The following IGFBP4 variants were observed in gnomAD, a reference collection of about 807,000 sequenced individuals.
The protein encoded by IGFBP4 is insulin like growth factor binding protein 4, also known as insulin-like growth factor-binding protein 4.
IGFBP4 carries 9 observed loss-of-function variants against 25.8 expected under a neutral mutation model. The observed-to-expected ratio is 0.35, with a 90% CI of 0.21 to 0.61. The LOEUF is 0.61. Ranked by LOEUF, IGFBP4 falls within the 20% of genes least tolerant of loss-of-function variation. The probability of loss-of-function intolerance (pLI) is 0.77; values close to 1 mark genes in which losing one functional copy is unlikely to be tolerated. For synonymous variants in IGFBP4, 153 were observed against 153.9 expected (o/e 0.99, Z 0.05); for missense variants, 315 against 365.3 (o/e 0.86, Z 1.12).
rs2035716998 is a variant in IGFBP4 at position 40,456,726 on chromosome 17, T to TGTGCGTGTGC, written c.*153_*162dup. 1 of 729,628 alleles carries TGTGCGTGTGC rather than the reference T, an allele frequency of 1.4e-6. No individual in the cohort carries two copies. Among genetic ancestry groups the TGTGCGTGTGC allele is most frequent in the African/African-American group, 1.8e-5 (1 of 56,124 alleles). The allele number at this position is 729,628 out of a possible 1,614,324, so 45.2% of individuals were successfully genotyped here. ...TTTCCCTCAAATGCGCGTGTGCACG[T>TGTGCGTGTGC]GTGCGTGTGCGTGCGTGTGTGTGTG... is the stretch of plus-strand genomic sequence containing the variant. On this transcript the variant is annotated 3_prime_UTR_variant, in exon 4 of 4. Transcript: ENST00000269593.
chr17:40,443,703 C>A lies in IGFBP4; in HGVS notation c.-33C>A. The A allele has an allele frequency of 1.6e-6, 2 of 1,272,608 alleles. No individual in the cohort carries two copies. Among genetic ancestry groups the A allele is most frequent in the Non-Finnish European group, 1.0e-6 (1 of 1,003,360 alleles). The allele number at this position is 1,272,608 out of a possible 1,614,324, so 78.8% of individuals were successfully genotyped here. A position where few individuals can be genotyped will look rare whatever the true frequency, so the allele number is the denominator to read the frequency against. On this transcript the variant is annotated 5_prime_UTR_variant, in exon 1 of 4. Coordinates refer to ENST00000269593, the MANE Select transcript of IGFBP4 (RefSeq NM_001552.3). ...GCCCGCGCTCCCCGCCTGCGCCCAG[C>A]GCCCCGCGCCCGCGCCCAGTCCTCG...
At chr17:40,445,370 CTCTG>C (rs2035638717) in intron 1 of IGFBP4, among the ~76,000 whole-genome samples, 1 of 152,204 alleles carries the variant, frequency 6.6e-6, no homozygotes, top group African/African-American at 2.4e-5. Context: ...TCTCCTGTGC[CTCTG>C]TCTGTCTCTG....
chr17:40,446,161 C>T (rs948673314), intron 1 of IGFBP4, among the ~76,000 whole-genome samples: 41 of 116,588 alleles, frequency 3.5e-4, no homozygotes, highest in Non-Finnish European at 5.3e-4. Context: ...GCCAGACCCC[C>T]GTCTCTACAA....
At position 40,452,907 on chromosome 17, in the gene IGFBP4, C is replaced by A; in HGVS notation, c.350-78C>A. On this transcript the variant is annotated intron_variant, in intron 1 of 3. Coordinates refer to ENST00000269593, the MANE Select transcript of IGFBP4 (RefSeq NM_001552.3). ...GCCGAAGAATCCCCAGGAAGGAGAA[C>A]GTGGGTGGGAGGCTGGGTTGGTGTG... The A allele has an allele frequency of 3.3e-6, 4 of 1,199,282 alleles. No homozygotes were observed. The South Asian group carries it at 6.3e-5, about 19-fold the overall frequency. 74.3% of individuals were successfully genotyped at this position (1,199,282 alleles called of 1,614,324 possible). A position where few individuals can be genotyped will look rare whatever the true frequency, so the allele number is the denominator to read the frequency against.
chr17:40,453,212 A>AGT lies in IGFBP4; in HGVS notation c.507+70_507+71insGT. The AGT allele has an allele frequency of 8.4e-7, 1 of 1,187,088 alleles. No homozygotes were observed. The highest frequency in any genetic ancestry group is 1.9e-5 in the South Asian group (1 of 53,416). 73.5% of individuals were successfully genotyped at this position (1,187,088 alleles called of 1,614,324 possible). On this transcript the variant is annotated intron_variant, in intron 2 of 3. Transcript: ENST00000269593. The surrounding 1 kb of genome is among the most constrained non-coding windows in gnomAD (Gnocchi z 4.0). The stretch of plus-strand genomic sequence containing the variant: ...CACACACATGCCCCCTGCCCCCCAC[A>AGT]TGCACGCACCCACACACACCATCAC...
chr17:40,444,126 C>T, intron 1 of IGFBP4, 42 bp downstream of exon 1: 1 of 1,437,980 alleles, frequency 7.0e-7, no homozygotes, highest in South Asian at 1.2e-5. Flanking sequence ...TGAGTGCGCT[C>T]CCTTCCCAGC....
rs554193402 is a variant in IGFBP4, at chr17:40,443,951, C to A, written c.216C>A (p.Pro72=). The A allele has an allele frequency of 1.1e-5, 17 of 1,531,732 alleles. No homozygotes were observed. Among genetic ancestry groups the A allele is most frequent in the African/African-American group, 6.9e-5 (5 of 72,538 alleles). 94.9% of individuals were successfully genotyped at this position (1,531,732 alleles called of 1,614,324 possible). ...GGATGCCCTGCGGGGTGTACACCCCCCGTTGCGGCTCGGGCCTGCGCTGCT... is the reference window on the plus strand; with the variant it reads ...GGATGCCCTGCGGGGTGTACACCCCACGTTGCGGCTCGGGCCTGCGCTGCT... The part of the protein sequence containing the change: ...GLGMPCGVYT[P]RCGSGLRCYP... Residue 72 remains proline (P), a synonymous_variant, in exon 1 of 4, where the codon CCC becomes CCA. Coordinates refer to ENST00000269593, the MANE Select transcript of IGFBP4 (RefSeq NM_001552.3).
At position 40,453,812 on chromosome 17, in the gene IGFBP4, C is replaced by T. The variant is rs1011561950; in HGVS notation, c.508-116C>T. The T allele has an allele frequency of 4.3e-6, 3 of 701,732 alleles. No homozygotes were observed. The highest frequency in any genetic ancestry group is 6.9e-6 in the Non-Finnish European group (3 of 437,506). The allele number at this position is 701,732 out of a possible 1,614,324, so 43.5% of individuals were successfully genotyped here. A position where few individuals can be genotyped will look rare whatever the true frequency, so the allele number is the denominator to read the frequency against. On this transcript the variant is annotated intron_variant, in intron 2 of 3. Transcript: ENST00000269593. The surrounding 1 kb of genome is among the most constrained non-coding windows in gnomAD (Gnocchi z 4.0). ...CTTCACCTCACTGGGTCCTGCCCAG[C>T]CCCTGGGGCTCAGGCCTCCTTTCGG... is the stretch of plus-strand genomic sequence containing the variant.
Position 40,443,992 on chromosome 17 carries a change from T to C in IGFBP4, c.257T>C (p.Val86Ala), listed in dbSNP as rs868039406. ...CTGCGCTGCTACCCGCCCCGAGGGG[T>C]GGAGAAGCCCCTGCACACACTGATG... ...SGLRCYPPRGVEKPLHTLMHG... is the reference protein window; with the variant it reads ...SGLRCYPPRGAEKPLHTLMHG... Residue 86 changes from valine to alanine, a missense_variant, in exon 1 of 4, where the codon GTG becomes GCG. Coordinates refer to ENST00000269593, the MANE Select transcript of IGFBP4 (RefSeq NM_001552.3). The C allele has an allele frequency of 6.5e-7, 1 of 1,527,490 alleles. No individual in the cohort carries two copies. The allele number at this position is 1,527,490 out of a possible 1,614,324, so 94.6% of individuals were successfully genotyped here.
At chr17:40,444,916 CACACACACACAGAGACAGAGAG>C (rs1219230594) in intron 1 of IGFBP4, among the ~76,000 whole-genome samples, 115 of 84,816 alleles carry the variant, frequency 1.4e-3, no homozygotes, top group Middle Eastern at 4.9e-3. Flanking sequence ...CACACACACA[CACACACACACAGAGACAGAGAG>C]AGAGAGAGAG....
At position 40,452,999 on chromosome 17, in the gene IGFBP4, G is replaced by T; in HGVS notation, c.364G>T (p.Asp122Tyr). ...SLQPSDKDEG[D>Y]HPNNSFSPCS... is the part of the protein sequence containing the mutation. ...CCTGAATACAGACAAGGACGAGGGT[G>T]ACCACCCCAACAACAGCTTCAGCCC... The change falls in exon 2 of 4, where the codon GAC (aspartate) becomes TAC (tyrosine). Residue 122 changes from aspartate (D) to tyrosine (Y), a missense_variant. Transcript: ENST00000269593. The T allele has an allele frequency of 6.4e-7, 1 of 1,555,768 alleles. No homozygotes were observed. Among genetic ancestry groups the T allele is most frequent in the Non-Finnish European group, 8.7e-7 (1 of 1,146,980 alleles).
Position 40,456,687 on chromosome 17 carries a change from C to T in IGFBP4, c.*104C>T. Reference sequence around the variant, plus strand: ...GTCTGAGTCTGAGTCCTGTCTCTGCCTGCGGCCCAGAAGTTTCCCTCAAAT... The same window carrying T: ...GTCTGAGTCTGAGTCCTGTCTCTGCTTGCGGCCCAGAAGTTTCCCTCAAAT... On this transcript the variant is annotated 3_prime_UTR_variant, in exon 4 of 4. Coordinates refer to ENST00000269593, the MANE Select transcript of IGFBP4 (RefSeq NM_001552.3). 2 of 1,217,348 alleles carry T rather than the reference C, an allele frequency of 1.6e-6. No individual in the cohort carries two copies. Among genetic ancestry groups the T allele is most frequent in the South Asian group, 2.8e-5 (2 of 72,028 alleles). The allele number at this position is 1,217,348 out of a possible 1,614,324, so 75.4% of individuals were successfully genotyped here.
chr17:40,452,383 ACACT>A (rs769347882), intron 1 of IGFBP4, among the ~76,000 whole-genome samples: 1 of 152,168 alleles, frequency 6.6e-6, no homozygotes. Context: ...ACTCACACAC[ACACT>A]CACTCTTCCT....
chr17:40,445,176 C>A (rs1007641588), intron 1 of IGFBP4, among the ~76,000 whole-genome samples: 1 of 152,138 alleles, frequency 6.6e-6, no homozygotes, highest in Non-Finnish European at 1.5e-5. Context: ...GCCCATCGTG[C>A]GTTTCTTTCT....
rs1318143861 is a variant in IGFBP4 at position 40,443,814 on chromosome 17, T to A, written c.79T>A (p.Cys27Ser). ...GPSLGDEAIH[C>S]PPCSEEKLAR... The stretch of plus-strand genomic sequence containing the variant: ...GAGCCTGGGCGACGAAGCCATCCAC[T>A]GCCCGCCCTGCTCCGAGGAGAAGCT... The change falls in exon 1 of 4, where the codon TGC becomes AGC. Residue 27 changes from cysteine (C) to serine (S), a missense_variant. Cys to Ser is a moderately radical substitution (Grantham distance 112, BLOSUM62 -1). Coordinates refer to ENST00000269593, the MANE Select transcript of IGFBP4 (RefSeq NM_001552.3). The A allele has an allele frequency of 1.3e-6, 2 of 1,531,370 alleles. No individual in the cohort carries two copies. The highest frequency in any genetic ancestry group is 3.9e-5 in the Admixed American group (2 of 51,600). The allele number at this position is 1,531,370 out of a possible 1,614,324, so 94.9% of individuals were successfully genotyped here. A position where few individuals can be genotyped will look rare whatever the true frequency, so the allele number is the denominator to read the frequency against.
intron 1 of IGFBP4, among the ~76,000 whole-genome samples, chr17:40,452,405 G>A (rs2035688741): frequency 6.6e-6 from 1 of 152,184 alleles, no homozygotes; most frequent in Non-Finnish European, 1.5e-5. Flanking sequence ...CCTCATGCAG[G>A]CGGATACACT....
intron 1 of IGFBP4, among the ~76,000 whole-genome samples, chr17:40,447,045 C>G (rs958783777): frequency 6.6e-6 from 1 of 152,236 alleles, no homozygotes; most frequent in Non-Finnish European, 1.5e-5. Context: ...CCCACTGGCC[C>G]GCGAATAGCT....
chr17:40,456,339 G>C, intron 3 of IGFBP4, 110 bp from the exon 4 acceptor site: 5 of 1,125,914 alleles, frequency 4.4e-6, no homozygotes, highest in Non-Finnish European at 6.5e-6. Context: ...AGGCCATCTT[G>C]AAGCAGCGAC....
chr17:40,454,182 A>G, intron 3 of IGFBP4, 120 bp downstream of exon 3: 1 of 1,374,272 alleles, frequency 7.3e-7, no homozygotes, highest in South Asian at 1.5e-5. Flanking sequence ...CCCCAACCCA[A>G]CCCCTTGGAG....
Sources: gnomAD v4.1 joint callset for allele counts (sites outside exome capture counted in the v4.1 genomes callset) on GRCh38, gnomAD v4.1.1 for gene constraint, Gnocchi (gnomAD v3.1) non-coding constraint, MANE v1.5 for transcripts, NCBI Gene and HGNC (gene_info 2026-07-23, HGNC 2026-07-21) for gene names.